Variants in PEBP4 observed in about 807,000 individuals in gnomAD.
The protein encoded by PEBP4 is phosphatidylethanolamine-binding protein 4.
Under a neutral mutation model 23.9 loss-of-function variants are expected in PEBP4, and 22 were observed. That is an observed-to-expected ratio of 0.92 (90% CI 0.66 to 1.31). PEBP4 has a LOEUF of 1.31. Among genes scored for constraint, PEBP4 ranks in the 40% most tolerant of loss-of-function variants. PEBP4 has a pLI of 0.00. For missense variants in PEBP4, 324 were observed against 281.7 expected, an observed-to-expected ratio of 1.15 and a Z score of -1.07; for synonymous variants, 112 against 99.3, an observed-to-expected ratio of 1.13 and a Z score of -0.76.
At chr8:22,886,723 A>AACAGGGACAGTG (rs1415725941) in intron 3 of PEBP4, 1 of 152,436 alleles carries the variant, frequency 6.6e-6, no homozygotes, top group African/African-American at 2.4e-5. Flanking sequence ...ACACAGCAGC[A>AACAGGGACAGTG]ACAGGGACAG....
At chr8:22,931,676 T>C (rs1026554776), upstream of PEBP4, among the ~76,000 whole-genome samples, 6 of 152,140 alleles carry the variant, frequency 3.9e-5, no homozygotes, top group Non-Finnish European at 7.4e-5. Context: ...CTCCGCCTCC[T>C]AGGTTCAAGT....
Position 22,853,006 on chromosome 8 carries a change from C to T in PEBP4, c.259-35271G>A, listed in dbSNP as rs578048181. Among the ~76,000 whole-genome samples the T allele has an allele frequency of 2.2e-4, 34 of 152,298 alleles. 1 individual carries two copies. In the South Asian group the frequency reaches 6.8e-3, roughly 31 times the overall value. On this transcript the variant is annotated intron_variant, in intron 3 of 6. Coordinates refer to ENST00000256404, the MANE Select transcript of PEBP4 (RefSeq NM_144962.3). The stretch of plus-strand genomic sequence containing the variant: ...CTGCAGCAATTACCATGCTTCCAAG[C>T]GAGCTGCGAAGCGCTTTCATTACTG...
intron 4 of PEBP4, among the ~76,000 whole-genome samples, chr8:22,736,656 T>C (rs1006351654): frequency 4.6e-5 from 7 of 151,834 alleles, no homozygotes; most frequent in African/African-American, 1.5e-4. Flanking sequence ...ATATCAGGAG[T>C]TTGTTGCTAA....
At chr8:22,837,960 G>A (rs1247163922) in intron 3 of PEBP4, among the ~76,000 whole-genome samples, 1 of 127,518 alleles carries the variant, frequency 7.8e-6, no homozygotes, top group Admixed American at 9.4e-5. Context: ...GTGCAGTGGT[G>A]TGATCTCGGC....
At chr8:22,938,933 T>C (rs1172073464) in intron 1 of PEBP4, among the ~76,000 whole-genome samples, 1 of 152,244 alleles carries the variant, frequency 6.6e-6, no homozygotes, top group Non-Finnish European at 1.5e-5. Context: ...AAAGGAACTA[T>C]TCTGACCTTT....
At chr8:22,721,908 C>T (rs1457452077) in intron 6 of PEBP4, among the ~76,000 whole-genome samples, 1 of 152,158 alleles carries the variant, frequency 6.6e-6, no homozygotes, top group African/African-American at 2.4e-5. Context: ...GTTTCAACAT[C>T]GTGCAAGGAC....
chr8:22,756,242 C>T (rs866129426), intron 4 of PEBP4, among the ~76,000 whole-genome samples: 7 of 152,186 alleles, frequency 4.6e-5, no homozygotes, highest in South Asian at 2.1e-4. Context: ...CTTCTGGCCT[C>T]GCAGGGCTGG....
intron 2 of PEBP4, chr8:22,925,336 C>G: frequency 3.0e-6 from 3 of 985,340 alleles, no homozygotes; most frequent in Non-Finnish European, 3.6e-6. Flanking sequence ...AGCCCTGAAC[C>G]TGGGGTGAAG....
In PEBP4 at chr8:22,751,610, C is replaced by G. The variant is rs74398112; in HGVS notation, c.358-24390G>C. ...TGTCTGTGTGTGTGTGTGTGTGTGT[C>G]TGTGTGTGTGTGTGTGTCTCTGTGT... On this transcript the variant is annotated intron_variant, in intron 4 of 6. Coordinates refer to ENST00000256404, the MANE Select transcript of PEBP4 (RefSeq NM_144962.3). 3.2e-3 allele frequency among the ~76,000 whole-genome samples: 249 copies of G among 78,822 alleles called. 1 individual carries two copies. Among genetic ancestry groups the G allele is most frequent in the Middle Eastern group, 0.026 (3 of 116 alleles). 51.7% of individuals were successfully genotyped at this position (78,822 alleles called of 152,430 possible). A position where few individuals can be genotyped will look rare whatever the true frequency, so the allele number is the denominator to read the frequency against.
intron 3 of PEBP4, among the ~76,000 whole-genome samples, chr8:22,836,730 C>CT (rs1554490292): frequency 6.6e-6 from 1 of 152,172 alleles, no homozygotes; most frequent in Non-Finnish European, 1.5e-5. Flanking sequence ...GTCACTGCAA[C>CT]TTTTTTGTCT....
At chr8:22,909,341 C>G (rs1585338088) in intron 3 of PEBP4, among the ~76,000 whole-genome samples, 1 of 152,218 alleles carries the variant, frequency 6.6e-6, no homozygotes, top group African/African-American at 2.4e-5. Context: ...TTGCCAGCAC[C>G]TGGGAGTTCG....
chr8:22,837,890 C>CTTTTTTTTT, intron 3 of PEBP4, among the ~76,000 whole-genome samples: 1 of 64,566 alleles, frequency 1.5e-5, no homozygotes. Flanking sequence ...TTATTATATT[C>CTTTTTTTTT]TTTTTTTTTT....
chr8:22,902,887 G>A (rs964509382), intron 3 of PEBP4, among the ~76,000 whole-genome samples: 4 of 152,224 alleles, frequency 2.6e-5, no homozygotes, highest in African/African-American at 9.7e-5. Flanking sequence ...TCCAAACTCA[G>A]GGATCCCAGA....
intron 3 of PEBP4, among the ~76,000 whole-genome samples, chr8:22,858,742 T>C (rs955360982): frequency 3.3e-5 from 5 of 151,844 alleles, no homozygotes; most frequent in Non-Finnish European, 5.9e-5. Flanking sequence ...AGGCCAGGAG[T>C]TCGAAACCAG....
intron 4 of PEBP4, among the ~76,000 whole-genome samples, chr8:22,770,818 G>C (rs745505754): frequency 6.6e-6 from 1 of 152,220 alleles, no homozygotes; most frequent in South Asian, 2.1e-4. Flanking sequence ...CCACGCATCC[G>C]CTCAACATGT....
intron 4 of PEBP4, among the ~76,000 whole-genome samples, chr8:22,738,616 G>T (rs1042690785): frequency 1.3e-5 from 2 of 152,130 alleles, no homozygotes; most frequent in African/African-American, 4.8e-5. Context: ...GAGGGCCAGG[G>T]ATGGGAGAGC....
At chr8:22,897,523 G>T (rs1002776652) in intron 3 of PEBP4, among the ~76,000 whole-genome samples, 9 of 152,116 alleles carry the variant, frequency 5.9e-5, no homozygotes, top group African/African-American at 2.2e-4. Flanking sequence ...AAATACCACC[G>T]AGTATTTTGC....
At chr8:22,880,193 T>C (rs1172747352) in intron 3 of PEBP4, among the ~76,000 whole-genome samples, 1 of 152,110 alleles carries the variant, frequency 6.6e-6, no homozygotes, top group East Asian at 1.9e-4. Context: ...CACTCGAGCC[T>C]AGGGGAGACT....
intron 4 of PEBP4, among the ~76,000 whole-genome samples, chr8:22,784,995 C>T (rs543333506): frequency 9.8e-4 from 150 of 152,304 alleles, no homozygotes; most frequent in African/African-American, 3.2e-3. Context: ...AAACGGGCCA[C>T]GTGTGCACGG....
Sources: gnomAD v4.1 joint callset for allele counts (sites outside exome capture counted in the v4.1 genomes callset) on GRCh38, gnomAD v4.1.1 for gene constraint, MANE v1.5 for transcripts, NCBI Gene and HGNC (gene_info 2026-07-23, HGNC 2026-07-21) for gene names.